Variants in TENM4 observed in about 807,000 individuals in gnomAD.
TENM4 encodes teneurin transmembrane protein 4, also known as teneurin-4.
Under a neutral mutation model 243.3 loss-of-function variants are expected in TENM4, and 82 were observed. The ratio of observed to expected loss-of-function variants is 0.34; its 90% CI spans 0.28 to 0.40. The LOEUF (loss-of-function observed/expected upper bound fraction) is 0.40, where lower values mean the gene tolerates loss of function less well. TENM4 is among the 10% of genes least tolerant of loss of function. The pLI is 1.00. For synonymous variants in TENM4, 1,412 were observed against 1,456.3 expected, an observed-to-expected ratio of 0.97 and a Z score of 0.69; for missense variants, 3,138 against 3,673.3, an observed-to-expected ratio of 0.85 and a Z score of 3.77.
intron 7 of TENM4, among the ~76,000 whole-genome samples, chr11:78,896,603 AACT>A (rs1855803696): frequency 6.6e-6 from 1 of 152,142 alleles, no homozygotes; most frequent in East Asian, 1.9e-4. Flanking sequence ...CGCTTGAGCC[AACT>A]ACTTGCCATC....
intron 1 of TENM4, among the ~76,000 whole-genome samples, chr11:79,317,432 C>T (rs375487377): frequency 6.6e-6 from 1 of 152,030 alleles, no homozygotes. Context: ...ATTTTTAGGG[C>T]CCTGTTAAGT....
rs774317123 is a variant in TENM4, at chr11:78,756,961, G to A, written c.2600C>T (p.Pro867Leu). Residue 867 changes from proline to leucine, a missense_variant, in exon 19 of 34, where the codon CCG becomes CTG. Coordinates refer to ENST00000278550, the MANE Select transcript of TENM4 (RefSeq NM_001098816.3). ...AGGGTTAGGGGAGCCAAGGCACAGC[G>A]GGTTGATATGGCACAGGGGCTGGAG... ...CCLQPLCHIN[P>L]LCLGSPNPLD... The A allele has an allele frequency of 1.3e-5, 21 of 1,613,862 alleles. No homozygotes were observed. In the East Asian group the frequency reaches 1.8e-4, roughly 14 times the overall value.
At position 78,683,371 on chromosome 11, in the gene TENM4, C is replaced by T. The variant is rs11824996; in HGVS notation, c.5260+4683G>A. 8.9e-3 allele frequency among the ~76,000 whole-genome samples: 648 copies of T among 73,148 alleles called. 211 individuals carry two copies. The highest frequency in any genetic ancestry group is 0.045 in the African/African-American group (613 of 13,710). 48.0% of individuals were successfully genotyped at this position (73,148 alleles called of 152,430 possible). On this transcript the variant is annotated intron_variant, in intron 29 of 33. Coordinates refer to ENST00000278550, the MANE Select transcript of TENM4 (RefSeq NM_001098816.3). ...CCTGGGCTATGGCGGGCGCCCCTCC[C>T]CCAGCCTCGTTGCCGCCTTGCAGTT...
chr11:79,132,487 C>A (rs1247556259), intron 4 of TENM4, among the ~76,000 whole-genome samples: 2 of 151,794 alleles, frequency 1.3e-5, no homozygotes, highest in African/African-American at 2.4e-5. Flanking sequence ...TACCTTGGAA[C>A]AAATGGACTT....
chr11:78,722,664 A>G lies in TENM4; in HGVS notation c.3800+4T>C, dbSNP rs1855415619. 2 of 1,610,518 alleles carry G rather than the reference A, an allele frequency of 1.2e-6. No homozygotes were observed. On this transcript the variant is annotated splice_donor_region_variant and intron_variant, in intron 24 of 33. Transcript: ENST00000278550. The stretch of plus-strand genomic sequence containing the variant: ...AACTATGAAGAAAGCATCACCTTAC[A>G]TACCTCAGCTCTAGGATGTTGGTGA...
intron 3 of TENM4, among the ~76,000 whole-genome samples, chr11:79,187,183 C>A (rs1236049562): frequency 1.3e-5 from 2 of 152,160 alleles, no homozygotes; most frequent in South Asian, 4.2e-4. Flanking sequence ...ACGACTTGAG[C>A]CTCATCTATT....
chr11:79,066,237 G>A (rs1336876305), intron 5 of TENM4, among the ~76,000 whole-genome samples: 1 of 152,180 alleles, frequency 6.6e-6, no homozygotes, highest in Non-Finnish European at 1.5e-5. Flanking sequence ...ATTGGGGTGA[G>A]GAGCTTAGAG....
At chr11:79,122,063 A>G (rs1453933412) in intron 4 of TENM4, among the ~76,000 whole-genome samples, 1 of 152,148 alleles carries the variant, frequency 6.6e-6, no homozygotes, top group Non-Finnish European at 1.5e-5. Flanking sequence ...TCTAACAGAG[A>G]TTCAGGATTG....
intron 2 of TENM4, among the ~76,000 whole-genome samples, chr11:79,239,113 T>C (rs539943881): frequency 6.6e-6 from 1 of 152,288 alleles, no homozygotes; most frequent in South Asian, 2.1e-4. Flanking sequence ...CAGAAGGACA[T>C]GATGCCATCA....
intron 7 of TENM4, among the ~76,000 whole-genome samples, chr11:78,893,436 C>T (rs1190777454): frequency 6.6e-6 from 1 of 152,208 alleles, no homozygotes; most frequent in Non-Finnish European, 1.5e-5. Context: ...CTTCTCTGCT[C>T]TCAACCCTCC....
intron 9 of TENM4, among the ~76,000 whole-genome samples, chr11:78,877,802 G>T (rs908024121): frequency 1.3e-5 from 2 of 152,196 alleles, no homozygotes; most frequent in African/African-American, 4.8e-5. Flanking sequence ...AACACATCTT[G>T]TTTGCCAGGG....
At chr11:78,938,791 C>T (rs983949870) in intron 6 of TENM4, among the ~76,000 whole-genome samples, 9 of 152,100 alleles carry the variant, frequency 5.9e-5, no homozygotes, top group African/African-American at 2.2e-4. Context: ...AGCACTTTGT[C>T]AGATTTATGG....
intron 1 of TENM4, among the ~76,000 whole-genome samples, chr11:79,328,605 T>C (rs514847): frequency 0.41 from 62,310 of 151,488 alleles, 13,264 homozygotes; most frequent in South Asian, 0.59. Context: ...GTGGTGGCGG[T>C]GTGGGGACCG....
chr11:78,855,784 A>T (rs1482415333), intron 11 of TENM4, among the ~76,000 whole-genome samples, 180 bp downstream of exon 11: 5 of 152,224 alleles, frequency 3.3e-5, no homozygotes, highest in Admixed American at 2.6e-4. Context: ...AGAAAGCCCC[A>T]GTGATATAAC....
chr11:78,695,284 C>T (rs1858931596), intron 28 of TENM4, among the ~76,000 whole-genome samples: 1 of 152,076 alleles, frequency 6.6e-6, no homozygotes, highest in Non-Finnish European at 1.5e-5. Context: ...TTCTAGGTTC[C>T]CTTACCCCTC....
intron 6 of TENM4, among the ~76,000 whole-genome samples, chr11:78,995,968 CTG>C (rs1412885929): frequency 6.6e-6 from 1 of 152,132 alleles, no homozygotes; most frequent in African/African-American, 2.4e-5. Context: ...TGAGCCTAAA[CTG>C]AGATCGCTTA....
At chr11:79,070,096 T>A in intron 4 of TENM4, 87 bp from the exon 5 acceptor site, 2 of 1,420,294 alleles carry the variant, frequency 1.4e-6, no homozygotes, top group South Asian at 3.0e-5. Context: ...CTTGCAGCCC[T>A]GTGGACAGAG....
chr11:79,166,824 G>C lies in TENM4; in HGVS notation c.-162-18018C>G, dbSNP rs556936478. On this transcript the variant is annotated intron_variant, in intron 3 of 33. Coordinates refer to ENST00000278550, the MANE Select transcript of TENM4 (RefSeq NM_001098816.3). ...GGCATTTGCCAGGCAGAAAACAGCT[G>C]ACAGTGCACTAGGAAGTTCCAAACA... 2.0e-5 allele frequency among the ~76,000 whole-genome samples: 3 copies of C among 152,266 alleles called. No homozygotes were observed. In the South Asian group the frequency reaches 6.2e-4, roughly 32 times the overall value.
intron 4 of TENM4, chr11:79,092,731 A>G (rs1860990125): frequency 6.6e-6 from 1 of 152,218 alleles, no homozygotes; most frequent in Non-Finnish European, 1.5e-5. Flanking sequence ...CTGAACACCT[A>G]TTTTGTGCCA....
Sources: allele counts gnomAD v4.1 joint callset (sites outside exome capture counted in the v4.1 genomes callset), GRCh38; gene constraint gnomAD v4.1.1; transcripts MANE v1.5; gene names NCBI Gene and HGNC (gene_info 2026-07-23, HGNC 2026-07-21).